Variants in GRID2 observed in about 807,000 individuals in gnomAD.
The protein encoded by GRID2 is glutamate ionotropic receptor delta type subunit 2.
In GRID2, 33 loss-of-function variants were observed where a neutral mutation model predicts 114.8. The observed-to-expected ratio is 0.29, with a 90% CI of 0.22 to 0.38. The LOEUF (loss-of-function observed/expected upper bound fraction) is 0.38. Ranked by LOEUF, GRID2 falls within the 10% of genes least tolerant of loss-of-function variation. The pLI is 1.00. For synonymous variants in GRID2, 505 were observed against 449.9 expected, an observed-to-expected ratio of 1.12 and a Z score of -1.55; for missense variants, 1,184 against 1,257.7, an observed-to-expected ratio of 0.94 and a Z score of 0.89.
rs1055238719 is a variant in GRID2 at position 93,061,251 on chromosome 4, A to G, written c.245-23744A>G. On this transcript the variant is annotated intron_variant, in intron 2 of 15. Transcript: ENST00000282020. ...TACCTTGAAATTTCAGGGGGTTACA[A>G]TAAAATTATTTTTCTTATCTGTGAG... Among the ~76,000 whole-genome samples, 12 of 148,694 alleles carry G rather than the reference A, an allele frequency of 8.1e-5. 1 individual carries two copies. The highest frequency in any genetic ancestry group is 2.2e-4 in the African/African-American group (9 of 40,244).
At chr4:92,966,913 A>G (rs1387528533) in intron 2 of GRID2, among the ~76,000 whole-genome samples, 4 of 151,962 alleles carry the variant, frequency 2.6e-5, no homozygotes, top group Admixed American at 6.6e-5. Context: ...ATCCTAAACA[A>G]TACAATGATT....
Position 92,709,283 on chromosome 4 carries a change from T to C in GRID2, c.244+118997T>C, listed in dbSNP as rs571994546. ...CTAAAATTTAATAGTAATTATTAAA[T>C]AAGTAGGTTGAAAAAGTCATCTATT... On this transcript the variant is annotated intron_variant, in intron 2 of 15. Coordinates refer to ENST00000282020, the MANE Select transcript of GRID2 (RefSeq NM_001510.4). Among the ~76,000 whole-genome samples, 5 of 152,192 alleles carry C rather than the reference T, an allele frequency of 3.3e-5. No individual in the cohort carries two copies. In the South Asian group the frequency reaches 8.3e-4, roughly 25 times the overall value.
At chr4:92,620,888 C>T (rs1450370753) in intron 2 of GRID2, among the ~76,000 whole-genome samples, 1 of 148,480 alleles carries the variant, frequency 6.7e-6, no homozygotes, top group East Asian at 2.0e-4. Flanking sequence ...CACATGTATA[C>T]ATATGTAACA....
intron 8 of GRID2, among the ~76,000 whole-genome samples, chr4:93,272,604 T>C (rs1366294734): frequency 6.6e-6 from 1 of 152,182 alleles, no homozygotes; most frequent in Non-Finnish European, 1.5e-5. Flanking sequence ...GTGAATGCTA[T>C]GTGAAGCCAT....
intron 8 of GRID2, among the ~76,000 whole-genome samples, chr4:93,314,954 C>A (rs1756427887): frequency 6.6e-6 from 1 of 151,988 alleles, no homozygotes; most frequent in East Asian, 1.9e-4. Context: ...AGTCTGTTTT[C>A]TTGCTGCTAT....
intron 1 of GRID2, among the ~76,000 whole-genome samples, chr4:92,429,445 C>T (rs1456134258): frequency 1.3e-5 from 2 of 152,030 alleles, no homozygotes; most frequent in South Asian, 2.1e-4. Flanking sequence ...CTTTTATGCC[C>T]GAATAGTACC....
intron 8 of GRID2, among the ~76,000 whole-genome samples, chr4:93,301,332 A>G (rs1212931175): frequency 6.6e-6 from 1 of 152,212 alleles, no homozygotes; most frequent in East Asian, 1.9e-4. Flanking sequence ...ACCTATAATT[A>G]TGTGGGGAGT....
rs1560912289 is a variant in GRID2, at chr4:93,131,621, T to TTTTATTTTTAATTTTTTTAA, written c.735+20671_735+20672insATTTTTAATTTTTTTAATTT. On this transcript the variant is annotated intron_variant, in intron 4 of 15. Transcript: ENST00000282020. ...TAAAAATTTTATTTAAATTTTTTTATTTTTATTTTTAATTTTTATAGATGC... is the reference window on the plus strand; with the variant it reads ...TAAAAATTTTATTTAAATTTTTTTATTTTATTTTTAATTTTTTTAATTTTATTTTTAATTTTTATAGATGC... Among the ~76,000 whole-genome samples the TTTTATTTTTAATTTTTTTAA allele has an allele frequency of 3.8e-4, 58 of 150,962 alleles. 1 individual carries two copies. Among genetic ancestry groups the TTTTATTTTTAATTTTTTTAA allele is most frequent in the Non-Finnish European group, 5.5e-4 (37 of 67,748 alleles).
chr4:92,341,334 T>G (rs1307934792), intron 1 of GRID2, among the ~76,000 whole-genome samples: 1 of 152,182 alleles, frequency 6.6e-6, no homozygotes, highest in Non-Finnish European at 1.5e-5. Flanking sequence ...CTAATGTGGA[T>G]CACTTGCTAG....
chr4:92,518,075 T>C (rs530887824), intron 1 of GRID2, among the ~76,000 whole-genome samples: 4 of 152,034 alleles, frequency 2.6e-5, no homozygotes, highest in African/African-American at 9.6e-5. Context: ...ACCCCATTTC[T>C]ACAATCTTAT....
At chr4:93,380,721 G>T (rs758422040) in intron 8 of GRID2, among the ~76,000 whole-genome samples, 4 of 151,924 alleles carry the variant, frequency 2.6e-5, no homozygotes, top group Admixed American at 6.6e-5. Context: ...AGAGGCAAAG[G>T]CTACCATTGA....
rs34215461 is a variant in GRID2 at position 93,131,145 on chromosome 4, A to ATTTTTTTTT, written c.735+20208_735+20216dup. Among the ~76,000 whole-genome samples the ATTTTTTTTT allele has an allele frequency of 2.9e-3, 258 of 88,726 alleles. 26 individuals carry two copies. The highest frequency in any genetic ancestry group is 0.013 in the African/African-American group (240 of 19,050). The allele number at this position is 88,726 out of a possible 152,430, so 58.2% of individuals were successfully genotyped here. ...AGAACTTCCATGAAAAGATTAAATA[A>ATTTTTTTTT]TTTTTTTTTTTTTTTTTTTTTTTTG... On this transcript the variant is annotated intron_variant, in intron 4 of 15. Transcript: ENST00000282020.
chr4:93,374,124 C>T (rs970714859), intron 8 of GRID2, among the ~76,000 whole-genome samples: 11 of 152,126 alleles, frequency 7.2e-5, no homozygotes, highest in Non-Finnish European at 1.6e-4. Flanking sequence ...ATAACTCCAA[C>T]AGATGTTGTC....
chr4:92,651,324 T>C (rs1731920362), intron 2 of GRID2, among the ~76,000 whole-genome samples: 1 of 151,932 alleles, frequency 6.6e-6, no homozygotes, highest in Non-Finnish European at 1.5e-5. Flanking sequence ...GCTGGCAGAT[T>C]GCGTATACAA....
intron 13 of GRID2, among the ~76,000 whole-genome samples, chr4:93,609,174 GTAA>G (rs1740667251): frequency 9.4e-6 from 1 of 106,790 alleles, no homozygotes; most frequent in Non-Finnish European, 2.1e-5. Context: ...TTTTTTTCTT[GTAA>G]ATTTGTTTGA....
At position 92,960,055 on chromosome 4, in the gene GRID2, T is replaced by C. The variant is rs574311477; in HGVS notation, c.245-124940T>C. The stretch of plus-strand genomic sequence containing the variant: ...AAAAGGGGTGTATTTGTTTAATTTC[T>C]ATCTATTTTGAAAATTTTCAGCTAT... On this transcript the variant is annotated intron_variant, in intron 2 of 15. Transcript: ENST00000282020. Among the ~76,000 whole-genome samples the C allele has an allele frequency of 3.9e-5, 6 of 152,170 alleles. 1 individual carries two copies. In the South Asian group the frequency reaches 1.2e-3, roughly 32 times the overall value.
chr4:93,736,978 C>G (rs758325930), intron 14 of GRID2, among the ~76,000 whole-genome samples: 1 of 151,706 alleles, frequency 6.6e-6, no homozygotes, highest in Non-Finnish European at 1.5e-5. Context: ...ACACGTTGAG[C>G]TTTGGAGACA....
chr4:92,440,497 G>A (rs1055945931), intron 1 of GRID2, among the ~76,000 whole-genome samples: 2 of 152,032 alleles, frequency 1.3e-5, no homozygotes, highest in Non-Finnish European at 2.9e-5. Context: ...AGTCCTGGGT[G>A]GGGCAAATCC....
chr4:93,164,466 T>C (rs1738059740), intron 4 of GRID2, among the ~76,000 whole-genome samples: 1 of 152,098 alleles, frequency 6.6e-6, no homozygotes, highest in African/African-American at 2.4e-5. Context: ...ACAGCTGAGA[T>C]AGTCATAAAA....
Sources: gnomAD v4.1 joint callset for allele counts (sites outside exome capture counted in the v4.1 genomes callset) on GRCh38, gnomAD v4.1.1 for gene constraint, MANE v1.5 for transcripts, NCBI Gene and HGNC (gene_info 2026-07-23, HGNC 2026-07-21) for gene names.